ALX4: variants seen among roughly 807,000 people sequenced by gnomAD.
ALX4 encodes ALX homeobox 4, also known as homeobox protein aristaless-like 4.
In ALX4, 22 loss-of-function variants were observed where a neutral mutation model predicts 40.6. The ratio of observed to expected loss-of-function variants is 0.54; its 90% CI spans 0.39 to 0.77. The LOEUF (loss-of-function observed/expected upper bound fraction) is 0.77. Among genes scored for constraint, ALX4 ranks in the 30% least tolerant of loss-of-function variants. The pLI is 0.00. For missense variants in ALX4, 556 were observed against 564.8 expected, an observed-to-expected ratio of 0.98 and a Z score of 0.16; for synonymous variants, 266 against 240.5, an observed-to-expected ratio of 1.11 and a Z score of -0.98.
intron 3 of ALX4, 30 bp downstream of exon 3, chr11:44,267,464 T>TCGGTGG: frequency 8.1e-6 from 13 of 1,611,950 alleles, no homozygotes; most frequent in Non-Finnish European, 1.0e-5. Context: ...GGGCTGGGGA[T>TCGGTGG]CGGTGGCGGC....
intron 1 of ALX4, among the ~76,000 whole-genome samples, chr11:44,308,420 C>T (rs1366266155): frequency 1.3e-5 from 2 of 152,252 alleles, no homozygotes; most frequent in Non-Finnish European, 2.9e-5. Flanking sequence ...TGGATCAGGG[C>T]AAATTCCCTG....
Position 44,309,754 on chromosome 11 carries a change from CGGCGGCGGCTGG to C in ALX4, c.297_308del (p.Pro102_Pro105del). 1 of 1,544,572 alleles carries C rather than the reference CGGCGGCGGCTGG, an allele frequency of 6.5e-7. No homozygotes were observed. The highest frequency in any genetic ancestry group is 8.7e-7 in the Non-Finnish European group (1 of 1,146,110). On this transcript the variant is annotated inframe_deletion, in exon 1 of 4. Coordinates refer to ENST00000652299, the MANE Select transcript of ALX4 (RefSeq NM_021926.4). ...GCTGCTGCTGCTGCGGCTGCGGCTG[CGGCGGCGGCTGG>C]GGCTGCGGGGTCGACGGCTGGGGCT...
chr11:44,264,578 G>T lies in ALX4; in HGVS notation c.*276C>A. On this transcript the variant is annotated 3_prime_UTR_variant, in exon 4 of 4. Coordinates refer to ENST00000652299, the MANE Select transcript of ALX4 (RefSeq NM_021926.4). ...AAAGCGCTTTCAGCTTATCATGGAT[G>T]CGAAGCTGAAAAACGTGGCCACCTG... 1.8e-6 allele frequency: 1 copy of T among 560,114 alleles called. No homozygotes were observed. Among genetic ancestry groups the T allele is most frequent in the Non-Finnish European group, 3.2e-6 (1 of 313,060 alleles). The allele number at this position is 560,114 out of a possible 1,614,324, so 34.7% of individuals were successfully genotyped here.
chr11:44,282,342 A>G (rs1956314614), intron 1 of ALX4, among the ~76,000 whole-genome samples: 1 of 134,446 alleles, frequency 7.4e-6, no homozygotes, highest in East Asian at 2.4e-4. Flanking sequence ...AGACCTGATG[A>G]TGCCAAGTTA....
In ALX4 at chr11:44,306,292, G is replaced by A. The variant is rs1956467852; in HGVS notation, c.466+3305C>T. Among the ~76,000 whole-genome samples, 3 of 152,244 alleles carry A rather than the reference G, an allele frequency of 2.0e-5. 1 individual carries two copies. The South Asian group carries it at 6.2e-4, about 31-fold the overall frequency. ...GTTGGGGTAGGGACGCTTGCAGCCC[G>A]GGAGGGTTTCTCTCACCAACTCTTT... is the stretch of plus-strand genomic sequence containing the variant. On this transcript the variant is annotated intron_variant, in intron 1 of 3. Coordinates refer to ENST00000652299, the MANE Select transcript of ALX4 (RefSeq NM_021926.4).
At chr11:44,298,014 A>G (rs568654787) in intron 1 of ALX4, among the ~76,000 whole-genome samples, 1 of 152,344 alleles carries the variant, frequency 6.6e-6, no homozygotes, top group East Asian at 1.9e-4. Context: ...GCACATTCTA[A>G]CCAGGCTATG....
chr11:44,269,655 G>T (rs985238750), intron 2 of ALX4, among the ~76,000 whole-genome samples: 1 of 152,166 alleles, frequency 6.6e-6, no homozygotes, highest in African/African-American at 2.4e-5. Context: ...GCCTCCCAGG[G>T]CCCCTTTTCC....
At chr11:44,303,385 G>A (rs1956446218) in intron 1 of ALX4, among the ~76,000 whole-genome samples, 1 of 152,136 alleles carries the variant, frequency 6.6e-6, no homozygotes, top group South Asian at 2.1e-4. Context: ...CGCCTTCACC[G>A]GGAAAGATAG....
intron 1 of ALX4, among the ~76,000 whole-genome samples, chr11:44,306,874 G>A (rs768602352): frequency 3.0e-4 from 45 of 152,060 alleles, no homozygotes; most frequent in Non-Finnish European, 1.3e-4. Context: ...GACCTAACGC[G>A]CCTAATCCCT....
In ALX4 at chr11:44,310,127, T is replaced by C. The variant is rs1309973082; in HGVS notation, c.-65A>G. 1.3e-5 allele frequency: 19 copies of C among 1,511,738 alleles called. No homozygotes were observed. Among genetic ancestry groups the C allele is most frequent in the Non-Finnish European group, 1.6e-5 (18 of 1,127,182 alleles). The allele number at this position is 1,511,738 out of a possible 1,614,324, so 93.6% of individuals were successfully genotyped here. ...GGCGCGAGGACGCCACCGCGCGCCT[T>C]GGCTGGGAGTTTGGGGAGGCGAGGA... On this transcript the variant is annotated 5_prime_UTR_variant, in exon 1 of 4. Transcript: ENST00000652299.
intron 1 of ALX4, among the ~76,000 whole-genome samples, chr11:44,287,711 G>A (rs1403989632): frequency 1.1e-4 from 16 of 152,174 alleles, no homozygotes; most frequent in Admixed American, 1.0e-3. Flanking sequence ...GATGCTGTGG[G>A]TGGGACTGGG....
intron 1 of ALX4, among the ~76,000 whole-genome samples, chr11:44,305,210 C>A (rs1565011510): frequency 6.6e-6 from 1 of 152,226 alleles, no homozygotes; most frequent in Admixed American, 6.5e-5. Flanking sequence ...CTCCTCAGAG[C>A]TAAGCACTTC....
chr11:44,271,271 T>C (rs1003670201), intron 2 of ALX4, among the ~76,000 whole-genome samples: 2 of 152,236 alleles, frequency 1.3e-5, no homozygotes, highest in Admixed American at 1.3e-4. Flanking sequence ...ATCTGGCATG[T>C]GTCCTTGTAC....
At chr11:44,271,250 G>C (rs1430591845) in intron 2 of ALX4, among the ~76,000 whole-genome samples, 9 of 152,196 alleles carry the variant, frequency 5.9e-5, no homozygotes, top group Admixed American at 5.9e-4. Context: ...ACAAAGAAAA[G>C]CCTCTGAACA....
intron 3 of ALX4, 142 bp from the exon 4 acceptor site, chr11:44,265,325 TC>T: frequency 1.2e-6 from 1 of 825,258 alleles, no homozygotes; most frequent in Non-Finnish European, 1.9e-6. Flanking sequence ...TTGATGGACA[TC>T]CAGATACCCC....
rs373563013 is a variant in ALX4 at position 44,267,198 on chromosome 11, G to A, written c.906+296C>T. Among the ~76,000 whole-genome samples the A allele has an allele frequency of 1.8e-4, 28 of 152,294 alleles. 2 individuals carry two copies. The highest frequency in any genetic ancestry group is 1.2e-3 in the East Asian group (6 of 5,170). ...CTGAGGGCCTGGTGGCCTTCTGCCT[G>A]CCTTGGTTCCGATGCCCACAGCAAA... is the stretch of plus-strand genomic sequence containing the variant. On this transcript the variant is annotated intron_variant, in intron 3 of 3. Transcript: ENST00000652299.
intron 1 of ALX4, among the ~76,000 whole-genome samples, chr11:44,304,713 G>T (rs1235335335): frequency 7.9e-5 from 12 of 152,214 alleles, no homozygotes. Context: ...AAAGCTGCGC[G>T]CGGCTGAGGG....
chr11:44,278,751 C>T (rs1425381486), intron 1 of ALX4, among the ~76,000 whole-genome samples: 1 of 152,198 alleles, frequency 6.6e-6, no homozygotes, highest in Non-Finnish European at 1.5e-5. Context: ...GTCTCACCTA[C>T]AAATAGGGAG....
In ALX4 at chr11:44,264,768, G is replaced by A; in HGVS notation, c.*86C>T. 1.3e-6 allele frequency: 2 copies of A among 1,494,904 alleles called. No homozygotes were observed. Among genetic ancestry groups the A allele is most frequent in the Non-Finnish European group, 1.8e-6 (2 of 1,098,432 alleles). 92.6% of individuals were successfully genotyped at this position (1,494,904 alleles called of 1,614,324 possible). On this transcript the variant is annotated 3_prime_UTR_variant, in exon 4 of 4. Coordinates refer to ENST00000652299, the MANE Select transcript of ALX4 (RefSeq NM_021926.4). ...CCTGGCCCAGGCCAGGTTCCTAAGA[G>A]GAAAGTCGAGTGGGAGGCTGGGGGC...
Sources: gnomAD v4.1 joint callset for allele counts (sites outside exome capture counted in the v4.1 genomes callset) on GRCh38, gnomAD v4.1.1 for gene constraint, MANE v1.5 for transcripts, NCBI Gene and HGNC (gene_info 2026-07-23, HGNC 2026-07-21) for gene names.